The following CLIC4 variants were observed in gnomAD, a reference collection of about 807,000 sequenced individuals.
CLIC4 encodes CLIC family member 4.
Under a neutral mutation model 24.6 loss-of-function variants are expected in CLIC4, and 13 were observed. The observed-to-expected ratio is 0.53, with a 90% CI of 0.34 to 0.84. The LOEUF is 0.84. Ranked by LOEUF, CLIC4 falls within the 40% of genes least tolerant of loss-of-function variation. The probability of loss-of-function intolerance (pLI) is 0.01; values close to 1 mark genes in which losing one functional copy is unlikely to be tolerated. For synonymous variants in CLIC4, 104 were observed against 111.3 expected (o/e 0.93, Z 0.41); for missense variants, 227 against 301.7 (o/e 0.75, Z 1.83).
At chr1:24,772,988 C>T (rs1345695264) in intron 1 of CLIC4, among the ~76,000 whole-genome samples, 1 of 152,074 alleles carries the variant, frequency 6.6e-6, no homozygotes, top group Non-Finnish European at 1.5e-5. Context: ...ATTTAGAGGT[C>T]TGAAATTTGG....
At chr1:24,818,720 T>C (rs1639696050) in intron 3 of CLIC4, among the ~76,000 whole-genome samples, 1 of 151,758 alleles carries the variant, frequency 6.6e-6, no homozygotes. Context: ...CAGTCATGTA[T>C]GGGTGGAGAG....
rs1014261500 is a variant in CLIC4, at chr1:24,745,499, A to AAGCAGCAGC, written c.-42_-34dup. ...GGCAGCCGGAGCAGTCCCGGAGCAG[A>AAGCAGCAGC]AGCAGCAGCAGCAGCAGCAGCCCTC... On this transcript the variant is annotated 5_prime_UTR_variant, in exon 1 of 6. Transcript: ENST00000374379. The AAGCAGCAGC allele has an allele frequency of 2.0e-5, 30 of 1,492,166 alleles. No homozygotes were observed. The highest frequency in any genetic ancestry group is 7.7e-5 in the East Asian group (3 of 39,184). The allele number at this position is 1,492,166 out of a possible 1,614,324, so 92.4% of individuals were successfully genotyped here. A position where few individuals can be genotyped will look rare whatever the true frequency, so the allele number is the denominator to read the frequency against.
At chr1:24,795,176 C>G (rs973098220) in intron 1 of CLIC4, among the ~76,000 whole-genome samples, 1 of 151,994 alleles carries the variant, frequency 6.6e-6, no homozygotes, top group Admixed American at 6.6e-5. Flanking sequence ...TACCCCTGAA[C>G]CTAAAATAAA....
rs1639964153 is a variant in CLIC4, at chr1:24,843,515, A to AT, written c.*2583dup. 1 of 152,142 alleles carries AT rather than the reference A, an allele frequency of 6.6e-6. No homozygotes were observed. The highest frequency in any genetic ancestry group is 1.5e-5 in the Non-Finnish European group (1 of 68,006). 9.4% of individuals were successfully genotyped at this position (152,142 alleles called of 1,614,324 possible). A position where few individuals can be genotyped will look rare whatever the true frequency, so the allele number is the denominator to read the frequency against. ...TCTGTTTTCCAAGAGATTCTGAGAA[A>AT]TTTTTGTATTCAGCAGTTGGAAAGC... On this transcript the variant is annotated 3_prime_UTR_variant, in exon 6 of 6. Transcript: ENST00000374379.
At chr1:24,818,071 G>GT (rs1571259930) in intron 3 of CLIC4, among the ~76,000 whole-genome samples, 3 of 152,154 alleles carry the variant, frequency 2.0e-5, no homozygotes, top group Admixed American at 6.5e-5. Context: ...ATAATGAAAA[G>GT]TTTTGAAATA....
At chr1:24,771,954 T>G (rs187684974) in intron 1 of CLIC4, 15 of 448,756 alleles carry the variant, frequency 3.3e-5, no homozygotes, top group Middle Eastern at 6.7e-4. Flanking sequence ...AAGGTAGCCT[T>G]AGGCTTGGCT....
chr1:24,806,530 C>T (rs927510316), intron 2 of CLIC4, among the ~76,000 whole-genome samples: 3 of 152,092 alleles, frequency 2.0e-5, no homozygotes, highest in African/African-American at 7.2e-5. Context: ...ATATATATAG[C>T]CTTTCAACCA....
chr1:24,771,875 AC>A, intron 1 of CLIC4: 1 of 514,344 alleles, frequency 1.9e-6, no homozygotes, highest in Non-Finnish European at 3.9e-6. Flanking sequence ...TTGATCTGCT[AC>A]CTCATCTGTC....
chr1:24,823,649 C>T (rs558262559), intron 3 of CLIC4, among the ~76,000 whole-genome samples: 167 of 151,936 alleles, frequency 1.1e-3, no homozygotes, highest in Non-Finnish European at 2.1e-3. Flanking sequence ...TGACGGGCGC[C>T]TGTAATCCCA....
intron 3 of CLIC4, among the ~76,000 whole-genome samples, chr1:24,818,005 A>G (rs190472800): frequency 6.6e-6 from 1 of 152,332 alleles, no homozygotes; most frequent in East Asian, 1.9e-4. Context: ...CCCCAAAACA[A>G]TTACAAGAGT....
chr1:24,762,164 T>G (rs1638934193), intron 1 of CLIC4, among the ~76,000 whole-genome samples: 1 of 152,128 alleles, frequency 6.6e-6, no homozygotes, highest in African/African-American at 2.4e-5. Context: ...ACACCTATAA[T>G]CCCAGCACTA....
chr1:24,765,124 T>C (rs1638977866), intron 1 of CLIC4, among the ~76,000 whole-genome samples: 1 of 152,232 alleles, frequency 6.6e-6, no homozygotes, highest in African/African-American at 2.4e-5. Context: ...ATATTTAGAA[T>C]AGATACTGTT....
chr1:24,790,834 TA>T (rs1327473331), intron 1 of CLIC4, among the ~76,000 whole-genome samples: 1 of 151,788 alleles, frequency 6.6e-6, no homozygotes, highest in South Asian at 2.1e-4. Context: ...ATATATAAAC[TA>T]AAAAAAAGTT....
At chr1:24,824,996 T>TCA (rs3220273) in intron 3 of CLIC4, among the ~76,000 whole-genome samples, 15,103 of 133,672 alleles carry the variant, frequency 0.11, 885 homozygotes, top group African/African-American at 0.16. Context: ...GGAGACCCTG[T>TCA]CACACACACA....
At chr1:24,774,228 G>A (rs1483957065) in intron 1 of CLIC4, among the ~76,000 whole-genome samples, 1 of 152,102 alleles carries the variant, frequency 6.6e-6, no homozygotes, top group Non-Finnish European at 1.5e-5. Flanking sequence ...CGCCTGCCTT[G>A]GCCTCCCAAA....
chr1:24,760,836 A>G (rs981103751), intron 1 of CLIC4, among the ~76,000 whole-genome samples: 1 of 152,088 alleles, frequency 6.6e-6, no homozygotes, highest in Non-Finnish European at 1.5e-5. Flanking sequence ...TTTTTGAAGT[A>G]GGTTAAGGAG....
intron 1 of CLIC4, among the ~76,000 whole-genome samples, chr1:24,762,907 C>G (rs890776111): frequency 2.0e-5 from 3 of 152,126 alleles, no homozygotes; most frequent in African/African-American, 7.2e-5. Flanking sequence ...GCTGTAAGAG[C>G]TGGGTTGAAT....
intron 1 of CLIC4, among the ~76,000 whole-genome samples, chr1:24,794,726 G>A (rs112599883): frequency 0.032 from 4,844 of 152,146 alleles, 294 homozygotes; most frequent in African/African-American, 0.11. Flanking sequence ...GTCAACTTTC[G>A]TTGCAATTGT....
At chr1:24,775,224 C>CTTTCTTTTTTTTTTTT (rs1639119913) in intron 1 of CLIC4, among the ~76,000 whole-genome samples, 6 of 90,644 alleles carry the variant, frequency 6.6e-5, no homozygotes, top group African/African-American at 8.7e-5. Flanking sequence ...TTCTTTCTTT[C>CTTTCTTTTTTTTTTTT]TTTTTTTTTT....
Sources: gnomAD v4.1 joint callset for allele counts (sites outside exome capture counted in the v4.1 genomes callset) on GRCh38, gnomAD v4.1.1 for gene constraint, MANE v1.5 for transcripts, NCBI Gene and HGNC (gene_info 2026-07-23, HGNC 2026-07-21) for gene names.